Variants in DLG3 observed in about 807,000 individuals in gnomAD.
The protein encoded by DLG3 is disks large homolog 3.
A neutral mutation model predicts 64.1 loss-of-function variants in DLG3; 1 was observed. The observed-to-expected ratio is 0.02, with a 90% CI of 0.01 to 0.07. DLG3 has a LOEUF of 0.07. Among genes scored for constraint, DLG3 ranks in the 10% least tolerant of loss-of-function variants. The pLI, the probability that DLG3 is intolerant of heterozygous loss-of-function variation, is 1.00. For missense variants in DLG3, 429 were observed against 669.5 expected (o/e 0.64, Z 3.96); for synonymous variants, 245 against 259.8 (o/e 0.94, Z 0.55).
At position 70,503,842 on chromosome X, in the gene DLG3, C is replaced by G. The variant is rs913337652; in HGVS notation, c.*1573C>G. On this transcript the variant is annotated 3_prime_UTR_variant, in exon 19 of 19. Coordinates refer to ENST00000374360, the MANE Select transcript of DLG3 (RefSeq NM_021120.4). Reference sequence around the variant, plus strand: ...CAGCAGGTGTGGTTCAGGTCCCCCCCCACCCCACTGTGCTCCTTTGAAGCC... The same window carrying G: ...CAGCAGGTGTGGTTCAGGTCCCCCCGCACCCCACTGTGCTCCTTTGAAGCC... 9.0e-6 allele frequency: 1 copy of G among 111,036 alleles called. No individual in the cohort carries two copies. The highest frequency in any genetic ancestry group is 3.3e-5 in the African/African-American group (1 of 30,386). The allele number at this position is 111,036 out of a possible 1,213,427, so 9.2% of individuals were successfully genotyped here. A position where few individuals can be genotyped will look rare whatever the true frequency, so the allele number is the denominator to read the frequency against.
chrX:70,450,798 G>T lies in DLG3; in HGVS notation c.985+15G>T. 8.3e-7 allele frequency: 1 copy of T among 1,211,672 alleles called. No individual in the cohort carries two copies. The highest frequency in any genetic ancestry group is 1.1e-6 in the Non-Finnish European group (1 of 895,319). On this transcript the variant is annotated intron_variant, in intron 6 of 18. Transcript: ENST00000374360. Reference sequence around the variant, plus strand: ...CTACGCCAGCAGTACGTACTCATCAGCCCCTGTCCCTGGTCTAAAGCTCTG... The same window carrying T: ...CTACGCCAGCAGTACGTACTCATCATCCCCTGTCCCTGGTCTAAAGCTCTG...
intron 10 of DLG3, among the ~76,000 whole-genome samples, chrX:70,483,748 T>A (rs1375703697): frequency 8.9e-6 from 1 of 112,314 alleles, no homozygotes; most frequent in African/African-American, 3.2e-5. Flanking sequence ...GAGCAGTATT[T>A]GGAGAATGAA....
intron 9 of DLG3, among the ~76,000 whole-genome samples, chrX:70,459,577 T>C (rs765809848): frequency 1.5e-3 from 164 of 112,584 alleles, no homozygotes; most frequent in Non-Finnish European, 2.8e-3. Flanking sequence ...TGATTTCCTA[T>C]CAGCAGCATT....
rs57581452 is a variant in DLG3, at chrX:70,452,141, C to T, written c.1145+115C>T. 75 of 1,093,119 alleles carry T rather than the reference C, an allele frequency of 6.9e-5. No individual in the cohort carries two copies. The African/African-American group carries it at 1.2e-3, about 18-fold the overall frequency. 90.1% of individuals were successfully genotyped at this position (1,093,119 alleles called of 1,213,427 possible). A position where few individuals can be genotyped will look rare whatever the true frequency, so the allele number is the denominator to read the frequency against. ...GTATGGCAAAGAAGAGGATAAGGCC[C>T]TCATCACTCCCGGCTTTGGGGTCCG... On this transcript the variant is annotated intron_variant, in intron 7 of 18. Coordinates refer to ENST00000374360, the MANE Select transcript of DLG3 (RefSeq NM_021120.4).
At chrX:70,452,865 C>G in intron 7 of DLG3, 2 of 780,202 alleles carry the variant, frequency 2.6e-6, no homozygotes, top group Non-Finnish European at 3.6e-6. Context: ...TGGGCTCCTC[C>G]GAGGAAAGAT....
chrX:70,449,244 G>A, intron 2 of DLG3, 115 bp from the exon 3 acceptor site: 2 of 1,060,870 alleles, frequency 1.9e-6, no homozygotes, highest in Non-Finnish European at 2.6e-6. Context: ...GCCTGCCATG[G>A]CCCCTTCTGA....
At chrX:70,474,737 C>T (rs889122740) in intron 9 of DLG3, among the ~76,000 whole-genome samples, 9 of 111,829 alleles carry the variant, frequency 8.0e-5, no homozygotes, top group African/African-American at 2.9e-4. Context: ...ATAATGCAGA[C>T]AACATTTTAG....
intron 12 of DLG3, among the ~76,000 whole-genome samples, chrX:70,493,929 A>G (rs1056674599): frequency 8.9e-6 from 1 of 112,645 alleles, no homozygotes; most frequent in Non-Finnish European, 1.9e-5. Flanking sequence ...TGTCAAGAGA[A>G]GAGCCTTTTC....
chrX:70,452,348 A>G (rs2086628158), intron 7 of DLG3: 1 of 996,245 alleles, frequency 1.0e-6, no homozygotes, highest in Non-Finnish European at 1.3e-6. Context: ...GCCCTGAGAT[A>G]GTTGCAGCCC....
chrX:70,501,409 C>CTGTGTGTGTGTGTGTGTGTGTG (rs796396273), intron 18 of DLG3, among the ~76,000 whole-genome samples: 4 of 75,163 alleles, frequency 5.3e-5, no homozygotes, highest in Non-Finnish European at 8.1e-5. Flanking sequence ...GTCTGTCTGT[C>CTGTGTGTGTGTGTGTGTGTGTG]TGTCTGTGTG....
In DLG3 at chrX:70,500,060, A is replaced by T. The variant is rs1400791751; in HGVS notation, c.2145+11A>T. 8.3e-7 allele frequency: 1 copy of T among 1,201,721 alleles called. No individual in the cohort carries two copies. Among genetic ancestry groups the T allele is most frequent in the East Asian group, 3.0e-5 (1 of 33,768 alleles). ...GCAGTTGCAGAGAGGGTAAGTGTAC[A>T]GGAGATGGCCTCAAAGGGGAGGCCA... On this transcript the variant is annotated intron_variant, in intron 16 of 18. Coordinates refer to ENST00000374360, the MANE Select transcript of DLG3 (RefSeq NM_021120.4).
At chrX:70,500,739 A>C (rs374718403) in intron 17 of DLG3, 159 bp downstream of exon 17, 2 of 677,961 alleles carry the variant, frequency 3.0e-6, no homozygotes, top group East Asian at 3.5e-5. Context: ...GCATATGTTC[A>C]TGGTTGGACT....
Position 70,498,584 on chromosome X carries a change from G to A in DLG3, c.1870+14G>A, listed in dbSNP as rs746423802. The A allele has an allele frequency of 1.1e-5, 13 of 1,198,095 alleles. No homozygotes were observed. Among genetic ancestry groups the A allele is most frequent in the Non-Finnish European group, 1.5e-5 (13 of 886,279 alleles). ...CACGGCAAGAAAGTAAGCCTCCTCT[G>A]AGAGCCTTGTCTTCGTGCTGGTCTC... On this transcript the variant is annotated intron_variant, in intron 14 of 18. Coordinates refer to ENST00000374360, the MANE Select transcript of DLG3 (RefSeq NM_021120.4).
intron 9 of DLG3, among the ~76,000 whole-genome samples, chrX:70,467,272 G>C (rs1325275795): frequency 1.8e-5 from 2 of 111,837 alleles, no homozygotes; most frequent in Non-Finnish European, 3.8e-5. Flanking sequence ...ATGTAAAGTA[G>C]GGTACTAACT....
At chrX:70,485,892 C>T (rs2147858562) in intron 10 of DLG3, among the ~76,000 whole-genome samples, 1 of 111,757 alleles carries the variant, frequency 8.9e-6, no homozygotes, top group East Asian at 2.8e-4. Context: ...CGTACATTAT[C>T]CCTGTGGGTG....
At chrX:70,458,139 G>C (rs1248114670) in intron 9 of DLG3, among the ~76,000 whole-genome samples, 1 of 111,409 alleles carries the variant, frequency 9.0e-6, no homozygotes, top group East Asian at 2.8e-4. Context: ...GCCTCCCAAA[G>C]TGCTGGGATT....
intron 7 of DLG3, chrX:70,452,622 A>G (rs749457448): frequency 1.7e-6 from 2 of 1,182,572 alleles, no homozygotes; most frequent in South Asian, 1.9e-5. Context: ...GAGAGGAGCT[A>G]TGGAGAGGGC....
At position 70,497,094 on chromosome X, in the gene DLG3, C is replaced by T. The variant is rs1602984835; in HGVS notation, c.1820-1426C>T. On this transcript the variant is annotated intron_variant, in intron 13 of 18. Coordinates refer to ENST00000374360, the MANE Select transcript of DLG3 (RefSeq NM_021120.4). ...TGACTCAGTTGGCAGCTCAGTGTCT[C>T]GCTCCTGGAGCATTTGAGTTTTGTG... 1.1e-5 allele frequency: 11 copies of T among 983,521 alleles called. No homozygotes were observed. The East Asian group carries it at 1.8e-4, about 17-fold the overall frequency. The allele number at this position is 983,521 out of a possible 1,213,427, so 81.1% of individuals were successfully genotyped here.
At chrX:70,453,072 A>G in intron 7 of DLG3, 1 of 222,132 alleles carries the variant, frequency 4.5e-6, no homozygotes, top group Non-Finnish European at 8.1e-6. Flanking sequence ...AGGCGCTGCA[A>G]CCCCCTGGGG....
Sources: gnomAD v4.1 joint callset for allele counts (sites outside exome capture counted in the v4.1 genomes callset) on GRCh38, gnomAD v4.1.1 for gene constraint, MANE v1.5 for transcripts, NCBI Gene and HGNC (gene_info 2026-07-23, HGNC 2026-07-21) for gene names.